The following PCBP3 variants were observed in gnomAD, a reference collection of about 807,000 sequenced individuals.
The protein encoded by PCBP3 is poly(rC)-binding protein 3.
A neutral mutation model predicts 52.7 loss-of-function variants in PCBP3; 25 were observed. The ratio of observed to expected loss-of-function variants is 0.47; its 90% CI spans 0.35 to 0.66. PCBP3 has a LOEUF of 0.66. Ranked by LOEUF, PCBP3 falls within the 30% of genes least tolerant of loss-of-function variation. The pLI, the probability that PCBP3 is intolerant of heterozygous loss-of-function variation, is 0.01. For missense variants in PCBP3, 391 were observed against 490.3 expected, an observed-to-expected ratio of 0.80 and a Z score of 1.91; for synonymous variants, 162 against 183.0, an observed-to-expected ratio of 0.89 and a Z score of 0.93.
chr21:45,877,498 A>G (rs1052966914), intron 5 of PCBP3, among the ~76,000 whole-genome samples: 6 of 152,224 alleles, frequency 3.9e-5, no homozygotes, highest in South Asian at 2.1e-4. Context: ...GATTTTGCCA[A>G]TTTAATCAAT....
chr21:45,929,369 TG>T (rs2075879095), intron 13 of PCBP3, among the ~76,000 whole-genome samples: 3 of 152,026 alleles, frequency 2.0e-5, no homozygotes, highest in African/African-American at 7.2e-5. Flanking sequence ...GCCCCTCAGG[TG>T]TTCCCCCCAC....
intron 5 of PCBP3, among the ~76,000 whole-genome samples, chr21:45,888,832 C>T (rs1419848737): frequency 6.6e-6 from 1 of 152,178 alleles, no homozygotes; most frequent in Admixed American, 6.5e-5. Flanking sequence ...CCACCTTAAA[C>T]ACACGTGGAC....
intron 5 of PCBP3, among the ~76,000 whole-genome samples, chr21:45,879,734 T>A (rs1382330495): frequency 6.6e-6 from 1 of 150,962 alleles, no homozygotes; most frequent in Non-Finnish European, 1.5e-5. Flanking sequence ...AAAGAGGAAG[T>A]ATAAAAAAAT....
chr21:45,926,685 A>C (rs1321437320), intron 13 of PCBP3, among the ~76,000 whole-genome samples: 4 of 152,188 alleles, frequency 2.6e-5, no homozygotes, highest in African/African-American at 9.7e-5. Context: ...CACGTGGGGA[A>C]ATTGATCTTT....
intron 4 of PCBP3, among the ~76,000 whole-genome samples, chr21:45,834,376 C>G (rs540522883): frequency 6.6e-6 from 1 of 152,150 alleles, no homozygotes; most frequent in African/African-American, 2.4e-5. Flanking sequence ...AGAGGCTGAC[C>G]GAAATTTGTG....
intron 5 of PCBP3, among the ~76,000 whole-genome samples, chr21:45,884,973 G>A (rs753838149): frequency 1.3e-5 from 2 of 152,202 alleles, no homozygotes; most frequent in Admixed American, 6.5e-5. Context: ...ACTCGAGAGT[G>A]AAGCCTTTCT....
intron 2 of PCBP3, among the ~76,000 whole-genome samples, chr21:45,720,339 G>A (rs2084539815): frequency 6.6e-6 from 1 of 151,866 alleles, no homozygotes; most frequent in South Asian, 2.1e-4. Context: ...CTGTTCCTGT[G>A]TTAGTTTGCT....
intron 1 of PCBP3, among the ~76,000 whole-genome samples, chr21:45,658,135 G>T (rs1189453219): frequency 6.6e-6 from 1 of 152,116 alleles, no homozygotes; most frequent in African/African-American, 2.4e-5. Flanking sequence ...AATGTTGTCA[G>T]ATGCTTTTCC....
chr21:45,679,318 G>A (rs540218601), intron 2 of PCBP3, among the ~76,000 whole-genome samples: 69 of 151,930 alleles, frequency 4.5e-4, no homozygotes, highest in Non-Finnish European at 7.8e-4. Flanking sequence ...ACGAGGTTTC[G>A]CCATGTTGGC....
At chr21:45,897,614 G>A (rs1407637182) in intron 6 of PCBP3, among the ~76,000 whole-genome samples, 1 of 152,122 alleles carries the variant, frequency 6.6e-6, no homozygotes, top group Non-Finnish European at 1.5e-5. Context: ...GAACCCCAAG[G>A]CCCGACGAGT....
chr21:45,838,267 G>C (rs572997455), intron 4 of PCBP3, among the ~76,000 whole-genome samples: 1 of 152,106 alleles, frequency 6.6e-6, no homozygotes, highest in African/African-American at 2.4e-5. Flanking sequence ...GGCTCCCCTC[G>C]CTTTCTGATG....
intron 2 of PCBP3, among the ~76,000 whole-genome samples, chr21:45,719,287 G>A (rs1018948339): frequency 6.6e-6 from 1 of 152,184 alleles, no homozygotes; most frequent in Non-Finnish European, 1.5e-5. Context: ...ATGAAGGACA[G>A]AACAGCAAGT....
At chr21:45,873,924 T>G (rs1250621305) in intron 5 of PCBP3, among the ~76,000 whole-genome samples, 1 of 152,242 alleles carries the variant, frequency 6.6e-6, no homozygotes. Context: ...CCATCGTGCC[T>G]GGCTAATCTT....
chr21:45,663,240 G>A (rs1019020228), intron 1 of PCBP3, among the ~76,000 whole-genome samples: 1 of 152,006 alleles, frequency 6.6e-6, no homozygotes, highest in Admixed American at 6.6e-5. Context: ...TGACCCACGT[G>A]ACCTTACCTA....
At position 45,929,965 on chromosome 21, in the gene PCBP3, C is replaced by T; in HGVS notation, c.766C>T (p.Pro256Ser). The T allele has an allele frequency of 6.2e-7, 1 of 1,613,860 alleles. No individual in the cohort carries two copies. Among genetic ancestry groups the T allele is most frequent in the South Asian group, 1.1e-5 (1 of 91,066 alleles). ...GGCCATGCAGCAAACCCCCTTTCCTCCCCTCGGACAGACCAACCCCGCTTT... is the reference window on the plus strand; with the variant it reads ...GGCCATGCAGCAAACCCCCTTTCCTTCCCTCGGACAGACCAACCCCGCTTT... ...QLAMQQTPFPPLGQTNPAFPG... is the reference protein window; with the variant it reads ...QLAMQQTPFPSLGQTNPAFPG... Residue 256 changes from proline to serine, a missense_variant, in exon 14 of 18, where the codon CCC becomes TCC. By Grantham distance (74) the Pro-to-Ser change is moderately conservative. Transcript: ENST00000681687.
intron 4 of PCBP3, among the ~76,000 whole-genome samples, chr21:45,785,325 T>A (rs1168940767): frequency 6.7e-6 from 1 of 148,152 alleles, no homozygotes; most frequent in Non-Finnish European, 1.5e-5. Context: ...AGCCGCCCCG[T>A]CCGGGAGGGA....
chr21:45,786,179 C>CA (rs538105920), intron 4 of PCBP3, among the ~76,000 whole-genome samples: 117 of 146,304 alleles, frequency 8.0e-4, no homozygotes, highest in Admixed American at 2.7e-3. Context: ...AAAAAGTTTC[C>CA]AAAAAAAATA....
chr21:45,815,129 G>A (rs866549396), intron 4 of PCBP3, among the ~76,000 whole-genome samples: 22 of 67,898 alleles, frequency 3.2e-4, no homozygotes, highest in East Asian at 1.3e-3. Flanking sequence ...GTGGTGAGTG[G>A]TGAGTGAGTG....
intron 4 of PCBP3, among the ~76,000 whole-genome samples, chr21:45,847,076 T>G (rs1416845170): frequency 6.6e-6 from 1 of 152,246 alleles, no homozygotes; most frequent in Admixed American, 6.5e-5. Context: ...ATCTTTTTAT[T>G]TTTTACATGT....
Sources: gnomAD v4.1 joint callset for allele counts (sites outside exome capture counted in the v4.1 genomes callset) on GRCh38, gnomAD v4.1.1 for gene constraint, MANE v1.5 for transcripts, NCBI Gene and HGNC (gene_info 2026-07-23, HGNC 2026-07-21) for gene names.